The following MSN variants were observed in gnomAD, a reference collection of about 807,000 sequenced individuals.
MSN encodes the protein moesin.
Under a neutral mutation model 48.0 loss-of-function variants are expected in MSN, and 2 were observed. The observed-to-expected ratio is 0.04, with a 90% CI of 0.02 to 0.13. The LOEUF (loss-of-function observed/expected upper bound fraction) is 0.13. Among genes scored for constraint, MSN ranks in the 10% least tolerant of loss-of-function variants. The pLI is 1.00. For missense variants in MSN, 267 were observed against 470.1 expected (o/e 0.57, Z 3.99); for synonymous variants, 146 against 166.9 (o/e 0.87, Z 0.97).
At chrX:65,641,219 G>T (rs929242130) in intron 1 of MSN, among the ~76,000 whole-genome samples, 32 of 109,998 alleles carry the variant, frequency 2.9e-4, no homozygotes, top group Non-Finnish European at 4.9e-4. Flanking sequence ...TGTTGCAAAA[G>T]TTAAAGCAAA....
At chrX:65,699,166 G>C (rs766908178) in intron 1 of MSN, among the ~76,000 whole-genome samples, 2 of 112,094 alleles carry the variant, frequency 1.8e-5, no homozygotes, top group African/African-American at 6.5e-5. Context: ...GAAGCTGTTA[G>C]AAATGTAATA....
intron 12 of MSN, 64 bp downstream of exon 12, chrX:65,739,258 C>T: frequency 3.9e-6 from 4 of 1,028,858 alleles, no homozygotes; most frequent in Non-Finnish European, 5.3e-6. Context: ...CATGGCATTC[C>T]CTAGACCATC....
intron 1 of MSN, among the ~76,000 whole-genome samples, chrX:65,656,666 G>A (rs917932203): frequency 8.9e-5 from 10 of 111,851 alleles, no homozygotes; most frequent in Admixed American, 6.7e-4. Context: ...GGATGTGGGA[G>A]GGAGGCCAAA....
rs772017818 is a variant in MSN, at chrX:65,739,004, G to A, written c.1379G>A (p.Arg460His). The change falls in exon 12 of 13, where the codon CGT becomes CAT. Residue 460 changes from arginine to histidine, a missense_variant. Arg to His is a conservative substitution (Grantham distance 29). Transcript: ENST00000360270. The part of the protein sequence containing the change: ...QMVQEDLEKT[R>H]AELKTAMSTP... ...GTACAGGAAGACTTGGAGAAGACCC[G>A]TGCTGAGCTGAAGACTGCCATGAGT... is the stretch of plus-strand genomic sequence containing the variant. The A allele has an allele frequency of 5.8e-6, 7 of 1,210,100 alleles. No individual in the cohort carries two copies. Among genetic ancestry groups the A allele is most frequent in the South Asian group, 3.5e-5 (2 of 56,787 alleles).
upstream of MSN, among the ~76,000 whole-genome samples, chrX:65,665,324 C>T (rs750870712): frequency 2.7e-5 from 3 of 111,847 alleles, no homozygotes; most frequent in Non-Finnish European, 3.8e-5. Context: ...AGTATTAAGG[C>T]GTGTGATGAG....
intron 1 of MSN, among the ~76,000 whole-genome samples, chrX:65,619,562 C>G (rs1286704280): frequency 1.0e-5 from 1 of 95,723 alleles, no homozygotes. Context: ...GCTCCATCAG[C>G]TCCTTTAAGC....
chrX:65,724,979 G>T (rs1001166159), intron 2 of MSN, among the ~76,000 whole-genome samples: 1 of 111,742 alleles, frequency 8.9e-6, no homozygotes, highest in African/African-American at 3.3e-5. Context: ...GAGCCAACAC[G>T]CCCAGCCCAT....
At chrX:65,612,093 G>C (rs891180795) in intron 1 of MSN, among the ~76,000 whole-genome samples, 1 of 112,084 alleles carries the variant, frequency 8.9e-6, no homozygotes, top group Non-Finnish European at 1.9e-5. Flanking sequence ...AAGTGTGTTG[G>C]AAACTTACTC....
chrX:65,666,968 G>T (rs184753773), upstream of MSN, among the ~76,000 whole-genome samples: 220 of 112,083 alleles, frequency 2.0e-3, 1 homozygote, highest in South Asian at 9.7e-3. Flanking sequence ...AAAGGATCAG[G>T]TCACTGATTT....
intron 1 of MSN, among the ~76,000 whole-genome samples, chrX:65,657,849 A>G (rs948253314): frequency 8.9e-6 from 1 of 111,737 alleles, no homozygotes; most frequent in African/African-American, 3.3e-5. Flanking sequence ...ATGAAGGTGG[A>G]CTTTGGTCTG....
At chrX:65,639,399 C>T (rs1346225025) in intron 1 of MSN, among the ~76,000 whole-genome samples, 2 of 112,296 alleles carry the variant, frequency 1.8e-5, no homozygotes, top group African/African-American at 6.5e-5. Flanking sequence ...CTCGCCTCAG[C>T]CTCCCAAAGT....
chrX:65,605,112 A>G (rs893995542), intron 1 of MSN, among the ~76,000 whole-genome samples: 1 of 112,419 alleles, frequency 8.9e-6, no homozygotes, highest in African/African-American at 3.2e-5. Flanking sequence ...ATAATTTGAC[A>G]TCTCCATTTG....
chrX:65,589,545 T>C (rs944198343), intron 1 of MSN: 13 of 112,440 alleles, frequency 1.2e-4, no homozygotes, highest in Admixed American at 1.1e-3. Context: ...GTCACATCAC[T>C]TCTGTGGATC....
Position 65,698,876 on chromosome X carries a change from C to T in MSN, c.13-17942C>T, listed in dbSNP as rs768096388. Among the ~76,000 whole-genome samples, 17 of 112,212 alleles carry T rather than the reference C, an allele frequency of 1.5e-4. 1 individual carries two copies. Among genetic ancestry groups the T allele is most frequent in the African/African-American group, 5.5e-4 (17 of 30,881 alleles). On this transcript the variant is annotated intron_variant, in intron 1 of 12. Coordinates refer to ENST00000360270, the MANE Select transcript of MSN (RefSeq NM_002444.3). ...TGCTGAAAGGACCTTTAGAGGCCAA[C>T]TAGACCAACCACTTCACATTACAGA... is the stretch of plus-strand genomic sequence containing the variant.
chrX:65,719,270 G>A (rs192975376), intron 2 of MSN, among the ~76,000 whole-genome samples: 9 of 112,109 alleles, frequency 8.0e-5, no homozygotes, highest in East Asian at 2.8e-4. Context: ...TGATACAAAC[G>A]TTTCCCTTAT....
intron 1 of MSN, among the ~76,000 whole-genome samples, chrX:65,702,129 C>T (rs2071311653): frequency 9.3e-6 from 1 of 107,496 alleles, no homozygotes; most frequent in Admixed American, 9.9e-5. Flanking sequence ...TCTCCTTCCT[C>T]AGCCTCCCAA....
chrX:65,624,491 T>C (rs2070484910), intron 1 of MSN, among the ~76,000 whole-genome samples: 1 of 110,393 alleles, frequency 9.1e-6, no homozygotes, highest in African/African-American at 3.3e-5. Context: ...CTTTCTACTG[T>C]TTTTCTATTC....
In MSN at chrX:65,700,047, G is replaced by T. The variant is rs188746703; in HGVS notation, c.13-16771G>T. Among the ~76,000 whole-genome samples, 179 of 111,837 alleles carry T rather than the reference G, an allele frequency of 1.6e-3. 1 individual carries two copies. Among genetic ancestry groups the T allele is most frequent in the Non-Finnish European group, 2.9e-3 (154 of 53,214 alleles). ...TCTTTTAAATTGTAGAGCACTGTGC[G>T]CATGGGGCTAGGATTATTGTTGTAT... On this transcript the variant is annotated intron_variant, in intron 1 of 12. Coordinates refer to ENST00000360270, the MANE Select transcript of MSN (RefSeq NM_002444.3).
chrX:65,631,284 G>T (rs1436316898), intron 1 of MSN, among the ~76,000 whole-genome samples: 1 of 109,477 alleles, frequency 9.1e-6, no homozygotes, highest in Non-Finnish European at 1.9e-5. Context: ...AGTAGAGATG[G>T]GATTTCACCA....
Sources: gnomAD v4.1 joint callset for allele counts (sites outside exome capture counted in the v4.1 genomes callset) on GRCh38, gnomAD v4.1.1 for gene constraint, MANE v1.5 for transcripts, NCBI Gene and HGNC (gene_info 2026-07-23, HGNC 2026-07-21) for gene names.